ASIC2: variants seen among roughly 807,000 people sequenced by gnomAD.
ASIC2 encodes acid-sensing ion channel 2.
A neutral mutation model predicts 57.3 loss-of-function variants in ASIC2; 25 were observed. That is an observed-to-expected ratio of 0.44 (90% CI 0.32 to 0.61). The LOEUF (loss-of-function observed/expected upper bound fraction) is 0.61. Among genes scored for constraint, ASIC2 ranks in the 20% least tolerant of loss-of-function variants. The probability of loss-of-function intolerance (pLI) is 0.06; values close to 1 mark genes in which losing one functional copy is unlikely to be tolerated. For synonymous variants in ASIC2, 319 were observed against 307.5 expected (o/e 1.04, Z -0.39); for missense variants, 641 against 738.1 (o/e 0.87, Z 1.52).
At chr17:33,529,637 T>C (rs1914989728) in intron 1 of ASIC2, 1 of 152,200 alleles carries the variant, frequency 6.6e-6, no homozygotes, top group Non-Finnish European at 1.5e-5. Flanking sequence ...TCACTGTATG[T>C]AAAATGGGAC....
At chr17:33,877,583 G>A (rs893211667) in intron 1 of ASIC2, among the ~76,000 whole-genome samples, 1 of 152,234 alleles carries the variant, frequency 6.6e-6, no homozygotes, top group Non-Finnish European at 1.5e-5. Flanking sequence ...CATTGCCCAG[G>A]CTTGAGTAGG....
chr17:33,179,931 A>G (rs1310586516), intron 1 of ASIC2, among the ~76,000 whole-genome samples: 1 of 152,210 alleles, frequency 6.6e-6, no homozygotes, highest in African/African-American at 2.4e-5. Flanking sequence ...TGAAAGTAGA[A>G]ATAGATTACA....
At chr17:33,855,967 C>T (rs1225814518) in intron 1 of ASIC2, among the ~76,000 whole-genome samples, 1 of 151,950 alleles carries the variant, frequency 6.6e-6, no homozygotes, top group African/African-American at 2.4e-5. Flanking sequence ...GTCCTTACTC[C>T]TGAGAAGCTC....
At chr17:33,029,308 CG>C (rs1472695990) in intron 3 of ASIC2, among the ~76,000 whole-genome samples, 1 of 152,190 alleles carries the variant, frequency 6.6e-6, no homozygotes, top group Non-Finnish European at 1.5e-5. Context: ...TGGGTAATCA[CG>C]GTTATGAATT....
At chr17:33,515,483 T>A (rs1472679494) in intron 1 of ASIC2, among the ~76,000 whole-genome samples, 1 of 152,250 alleles carries the variant, frequency 6.6e-6, no homozygotes, top group Non-Finnish European at 1.5e-5. Flanking sequence ...TTTTCTTCTC[T>A]GTAAAATGGA....
At position 33,292,452 on chromosome 17, in the gene ASIC2, C is replaced by A. The variant is rs1469306587; in HGVS notation, c.-337G>T. ...CTGGAGGGGTCCCACTGGGAGCCGCCTCTCCAGTCCCTGGGTGCTGCGCCC... is the reference window on the plus strand; with the variant it reads ...CTGGAGGGGTCCCACTGGGAGCCGCATCTCCAGTCCCTGGGTGCTGCGCCC... On this transcript the variant is annotated 5_prime_UTR_variant, in exon 1 of 10. The change creates a new upstream start codon in the 5' untranslated region. Transcript: ENST00000225823. 1.9e-5 allele frequency: 19 copies of A among 985,498 alleles called. No homozygotes were observed. The highest frequency in any genetic ancestry group is 2.2e-5 in the Non-Finnish European group (18 of 830,144). 61.0% of individuals were successfully genotyped at this position (985,498 alleles called of 1,614,324 possible). A position where few individuals can be genotyped will look rare whatever the true frequency, so the allele number is the denominator to read the frequency against.
At chr17:33,652,652 C>T (rs1906955021) in intron 1 of ASIC2, among the ~76,000 whole-genome samples, 1 of 152,212 alleles carries the variant, frequency 6.6e-6, no homozygotes. Context: ...GCTGGGCTAG[C>T]CTGAGAAAGC....
intron 1 of ASIC2, among the ~76,000 whole-genome samples, chr17:33,813,196 G>A (rs752018383): frequency 2.0e-5 from 3 of 152,176 alleles, no homozygotes; most frequent in Admixed American, 6.5e-5. Context: ...GGAGGAGCAC[G>A]GAGGACCCAG....
intron 3 of ASIC2, among the ~76,000 whole-genome samples, chr17:33,029,072 G>A (rs1048377784): frequency 2.6e-5 from 4 of 152,152 alleles, no homozygotes; most frequent in Non-Finnish European, 4.4e-5. Flanking sequence ...AAGGATGAGG[G>A]AACTAATGGT....
intron 1 of ASIC2, among the ~76,000 whole-genome samples, chr17:33,197,625 G>T (rs1271766591): frequency 1.3e-5 from 2 of 152,232 alleles, no homozygotes; most frequent in Non-Finnish European, 2.9e-5. Flanking sequence ...AGGGGTTGCA[G>T]TTTGATGTGG....
intron 1 of ASIC2, among the ~76,000 whole-genome samples, chr17:33,944,685 G>T (rs905252791): frequency 2.0e-5 from 3 of 152,178 alleles, no homozygotes; most frequent in Non-Finnish European, 4.4e-5. Flanking sequence ...GCTCCTCAGG[G>T]TTGCCCTGCC....
At chr17:33,463,089 G>A (rs1229978567) in intron 1 of ASIC2, among the ~76,000 whole-genome samples, 1 of 152,182 alleles carries the variant, frequency 6.6e-6, no homozygotes, top group African/African-American at 2.4e-5. Context: ...TACTCTTGAA[G>A]TTGTATCCCA....
Position 33,283,314 on chromosome 17 carries a change from T to TTCCAGGAG in ASIC2, c.708+8093_708+8094insCTCCTGGA, listed in dbSNP as rs1464434990. Among the ~76,000 whole-genome samples, 1,149 of 152,282 alleles carry TTCCAGGAG rather than the reference T, an allele frequency of 7.5e-3. 12 individuals are homozygous for TTCCAGGAG. The highest frequency in any genetic ancestry group is 0.026 in the African/African-American group (1,077 of 41,560). ...GCTTCCAGGAGCCCACAGCCCTGTC[T>TTCCAGGAG]CTCAAAGCGAGTGTGGTTTGTGGAC... On this transcript the variant is annotated intron_variant, in intron 1 of 9. Coordinates refer to ENST00000225823, the MANE Select transcript of ASIC2 (RefSeq NM_183377.2).
At chr17:33,882,399 C>G (rs1914723421) in intron 1 of ASIC2, among the ~76,000 whole-genome samples, 1 of 151,978 alleles carries the variant, frequency 6.6e-6, no homozygotes, top group South Asian at 2.1e-4. Flanking sequence ...ACAAAGAACT[C>G]AAACAAATTT....
intron 1 of ASIC2, among the ~76,000 whole-genome samples, chr17:33,868,454 A>G (rs946813536): frequency 1.3e-5 from 2 of 152,088 alleles, no homozygotes; most frequent in African/African-American, 4.8e-5. Context: ...GTTTTAATGC[A>G]AAATGGATCA....
At chr17:33,975,774 T>C (rs1265888994) in intron 1 of ASIC2, among the ~76,000 whole-genome samples, 1 of 152,130 alleles carries the variant, frequency 6.6e-6, no homozygotes, top group African/African-American at 2.4e-5. Context: ...CCTACATTTC[T>C]GTCTCTTCCT....
At chr17:33,115,766 A>C (rs2092278484) in intron 1 of ASIC2, among the ~76,000 whole-genome samples, 1 of 152,180 alleles carries the variant, frequency 6.6e-6, no homozygotes. Context: ...GGTTATTTAC[A>C]TGATTATTTG....
chr17:33,427,409 A>C (rs1165228240), intron 1 of ASIC2, among the ~76,000 whole-genome samples: 1 of 152,198 alleles, frequency 6.6e-6, no homozygotes, highest in Non-Finnish European at 1.5e-5. Flanking sequence ...AAAAAGACCA[A>C]AACCATTCTG....
chr17:33,050,534 A>G (rs1326489994), intron 3 of ASIC2, among the ~76,000 whole-genome samples: 1 of 152,234 alleles, frequency 6.6e-6, no homozygotes, highest in Non-Finnish European at 1.5e-5. Context: ...GGCATTGGAA[A>G]GAGCACTGGA....
Sources: gnomAD v4.1 joint callset for allele counts (sites outside exome capture counted in the v4.1 genomes callset) on GRCh38, gnomAD v4.1.1 for gene constraint, MANE v1.5 for transcripts, NCBI Gene and HGNC (gene_info 2026-07-23, HGNC 2026-07-21) for gene names.